The following GBF1 variants were observed in gnomAD, a reference collection of about 807,000 sequenced individuals.
The protein encoded by GBF1 is golgi brefeldin A resistant guanine nucleotide exchange factor 1.
GBF1 carries 114 observed loss-of-function variants against 210.5 expected under a neutral mutation model. The observed-to-expected ratio is 0.54, with a 90% CI of 0.47 to 0.63. The LOEUF is 0.63. Among genes scored for constraint, GBF1 ranks in the 30% least tolerant of loss-of-function variants. The probability of loss-of-function intolerance (pLI) is 0.00; values close to 1 mark genes in which losing one functional copy is unlikely to be tolerated. For synonymous variants in GBF1, 850 were observed against 889.2 expected (o/e 0.96, Z 0.78); for missense variants, 1,851 against 2,357.7 (o/e 0.79, Z 4.45).
At chr10:102,356,836 A>C (rs2059321939) in intron 8 of GBF1, among the ~76,000 whole-genome samples, 1 of 152,168 alleles carries the variant, frequency 6.6e-6, no homozygotes, top group Admixed American at 6.5e-5. Flanking sequence ...AAATACATAA[A>C]AACACAGATC....
At chr10:102,342,262 C>T (rs2058238729) in intron 3 of GBF1, among the ~76,000 whole-genome samples, 2 of 152,086 alleles carry the variant, frequency 1.3e-5, no homozygotes, top group African/African-American at 2.4e-5. Context: ...TGGTCTCGAT[C>T]TCCTGACCTC....
At chr10:102,275,415 T>G (rs1459085713) in intron 3 of GBF1, among the ~76,000 whole-genome samples, 1 of 152,178 alleles carries the variant, frequency 6.6e-6, no homozygotes, top group Non-Finnish European at 1.5e-5. Flanking sequence ...CACCTAGAAG[T>G]AGCCTTTGGG....
At chr10:102,374,316 C>G (rs1039017820) in intron 29 of GBF1, among the ~76,000 whole-genome samples, 1 of 151,460 alleles carries the variant, frequency 6.6e-6, no homozygotes, top group Non-Finnish European at 1.5e-5. Flanking sequence ...TGCCTGCACT[C>G]TAGCCTGGGC....
intron 3 of GBF1, among the ~76,000 whole-genome samples, chr10:102,324,158 C>A (rs970992305): frequency 2.0e-5 from 3 of 152,148 alleles, no homozygotes; most frequent in African/African-American, 7.2e-5. Flanking sequence ...ATATAGTCTT[C>A]CTCCCTTCCT....
At chr10:102,270,557 C>A (rs747668938) in intron 3 of GBF1, among the ~76,000 whole-genome samples, 45 of 152,148 alleles carry the variant, frequency 3.0e-4, no homozygotes, top group Non-Finnish European at 1.3e-4. Context: ...AACATTTAGG[C>A]ATATTTGCTT....
At chr10:102,320,584 A>T (rs2056303260) in intron 3 of GBF1, among the ~76,000 whole-genome samples, 1 of 151,248 alleles carries the variant, frequency 6.6e-6, no homozygotes, top group Non-Finnish European at 1.5e-5. Flanking sequence ...CTTGTTTCTT[A>T]TTGGTACTTC....
At chr10:102,298,191 C>T (rs1028672443) in intron 3 of GBF1, among the ~76,000 whole-genome samples, 1 of 152,084 alleles carries the variant, frequency 6.6e-6, no homozygotes, top group Admixed American at 6.5e-5. Context: ...CCTCAGCCTC[C>T]CAAAGTGCTG....
intron 33 of GBF1, among the ~76,000 whole-genome samples, chr10:102,377,468 C>T (rs1440975165): frequency 6.6e-6 from 1 of 152,130 alleles, no homozygotes; most frequent in African/African-American, 2.4e-5. Context: ...ATTCTCCTGC[C>T]TCAGCCTTCC....
At chr10:102,349,486 C>G (rs2058791003) in intron 4 of GBF1, among the ~76,000 whole-genome samples, 1 of 152,160 alleles carries the variant, frequency 6.6e-6, no homozygotes, top group South Asian at 2.1e-4. Context: ...GATCCGAGAT[C>G]ATGCCACTGG....
chr10:102,247,802 T>C (rs749352169), intron 1 of GBF1, among the ~76,000 whole-genome samples: 1 of 152,208 alleles, frequency 6.6e-6, no homozygotes, highest in Non-Finnish European at 1.5e-5. Context: ...GTAGACAGTA[T>C]GTTCCAGTCT....
chr10:102,371,971 A>C (rs2060231267), intron 29 of GBF1, among the ~76,000 whole-genome samples: 1 of 151,376 alleles, frequency 6.6e-6, no homozygotes, highest in South Asian at 2.1e-4. Context: ...CTTACTGTCC[A>C]CTTTGGGGGG....
chr10:102,317,628 A>T (rs1306814982), intron 3 of GBF1, among the ~76,000 whole-genome samples: 1 of 152,158 alleles, frequency 6.6e-6, no homozygotes, highest in African/African-American at 2.4e-5. Context: ...TTAAAAAAAT[A>T]AAAAAGTTTA....
At chr10:102,318,143 G>A (rs2056010626) in intron 3 of GBF1, among the ~76,000 whole-genome samples, 1 of 151,902 alleles carries the variant, frequency 6.6e-6, no homozygotes, top group South Asian at 2.1e-4. Context: ...TGATCCGCCC[G>A]GCCTCGGCCT....
chr10:102,379,088 T>G lies in GBF1; in HGVS notation c.4495-196T>G, dbSNP rs2060686466. Among the ~76,000 whole-genome samples, 3 of 152,200 alleles carry G rather than the reference T, an allele frequency of 2.0e-5. No individual in the cohort carries two copies. The East Asian group carries it at 5.8e-4, about 29-fold the overall frequency. On this transcript the variant is annotated intron_variant, in intron 33 of 39. Transcript: ENST00000369983. ...GGCTCTCTCTCTCATGAGTAATCTC[T>G]GACTTGGAGAGTCCTTTACAAGGAC...
chr10:102,371,870 T>C (rs1050765878), intron 29 of GBF1, among the ~76,000 whole-genome samples: 1 of 148,400 alleles, frequency 6.7e-6, no homozygotes, highest in African/African-American at 2.5e-5. Flanking sequence ...GAGGTTGCAG[T>C]GAGCTGAGAT....
At chr10:102,327,130 A>G (rs560370748) in intron 3 of GBF1, among the ~76,000 whole-genome samples, 1 of 152,326 alleles carries the variant, frequency 6.6e-6, no homozygotes, top group East Asian at 1.9e-4. Flanking sequence ...TTAGCCTCTC[A>G]GGGGGCTGGC....
At chr10:102,293,771 G>GTTTTTTTTTTTTTTTTTTTTTTTTTTTTT (rs56722082) in intron 3 of GBF1, among the ~76,000 whole-genome samples, 1 of 22,906 alleles carries the variant, frequency 4.4e-5, no homozygotes, top group African/African-American at 2.2e-4. Flanking sequence ...TATGTTTTGT[G>GTTTTTTTTTTTTTTTTTTTTTTTTTTTTT]TTTTTTTTTT....
At chr10:102,287,339 ATTTTCTTT>A (rs1305662982) in intron 3 of GBF1, among the ~76,000 whole-genome samples, 53 of 65,238 alleles carry the variant, frequency 8.1e-4, no homozygotes, top group Non-Finnish European at 1.2e-3. Flanking sequence ...CTTTTATTTT[ATTTTCTTT>A]TTTTTTTTTT....
intron 3 of GBF1, among the ~76,000 whole-genome samples, chr10:102,316,135 G>A (rs567997198): frequency 2.0e-4 from 28 of 139,368 alleles, no homozygotes; most frequent in South Asian, 4.5e-4. Flanking sequence ...CGCCCAAGCT[G>A]GAGTGCAGTG....
Sources: gnomAD v4.1 joint callset for allele counts (sites outside exome capture counted in the v4.1 genomes callset) on GRCh38, gnomAD v4.1.1 for gene constraint, MANE v1.5 for transcripts, NCBI Gene and HGNC (gene_info 2026-07-23, HGNC 2026-07-21) for gene names.